DIP2A: variants seen among roughly 807,000 people sequenced by gnomAD.
DIP2A encodes the protein DIP2 acetate--CoA ligase A.
Under a neutral mutation model 177.4 loss-of-function variants are expected in DIP2A, and 85 were observed. The ratio of observed to expected loss-of-function variants is 0.48; its 90% CI spans 0.40 to 0.57. The LOEUF (loss-of-function observed/expected upper bound fraction) is 0.57, where lower values mean the gene tolerates loss of function less well. Among genes scored for constraint, DIP2A ranks in the 20% least tolerant of loss-of-function variants. The probability of loss-of-function intolerance (pLI) is 0.00; values close to 1 mark genes in which losing one functional copy is unlikely to be tolerated. For missense variants in DIP2A, 1,791 were observed against 2,100.2 expected, an observed-to-expected ratio of 0.85 and a Z score of 2.88; for synonymous variants, 886 against 881.8, an observed-to-expected ratio of 1.00 and a Z score of -0.08.
At chr21:46,567,289 G>T in intron 37 of DIP2A, 81 bp from the exon 38 acceptor site, 1 of 1,538,902 alleles carries the variant, frequency 6.5e-7, no homozygotes, top group East Asian at 2.3e-5. Context: ...ACTCTTCTTT[G>T]TGCCACCCTT....
At chr21:46,512,548 A>G (rs1246607349) in intron 8 of DIP2A, among the ~76,000 whole-genome samples, 1 of 152,212 alleles carries the variant, frequency 6.6e-6, no homozygotes, top group Non-Finnish European at 1.5e-5. Flanking sequence ...TGCTTTTCAT[A>G]TGCTTATTGG....
intron 8 of DIP2A, among the ~76,000 whole-genome samples, chr21:46,528,507 A>G (rs550853744): frequency 7.7e-6 from 1 of 129,172 alleles, no homozygotes; most frequent in Non-Finnish European, 1.6e-5. Flanking sequence ...TGTATACCAA[A>G]TACTGACTTT....
At chr21:46,474,875 T>C (rs554908756) in intron 1 of DIP2A, among the ~76,000 whole-genome samples, 16 of 152,266 alleles carry the variant, frequency 1.1e-4, no homozygotes, top group East Asian at 1.9e-4. Context: ...TTAGGGAAGA[T>C]AGGGATGGAG....
chr21:46,566,508 G>C lies in DIP2A; in HGVS notation c.4340-52G>C, dbSNP rs570431657. On this transcript the variant is annotated intron_variant, in intron 36 of 37. Coordinates refer to ENST00000417564, the MANE Select transcript of DIP2A (RefSeq NM_015151.4). The stretch of plus-strand genomic sequence containing the variant: ...TGGGCTCAGAGGATACGAATGTCCA[G>C]ACTCTGCATGCCTTGGCTTTCTGGG... 46 of 1,611,896 alleles carry C rather than the reference G, an allele frequency of 2.9e-5. No individual in the cohort carries two copies. The South Asian group carries it at 4.8e-4, about 17-fold the overall frequency.
At chr21:46,540,879 G>A (rs749233125) in intron 17 of DIP2A, among the ~76,000 whole-genome samples, 2 of 151,984 alleles carry the variant, frequency 1.3e-5, no homozygotes, top group Non-Finnish European at 2.9e-5. Flanking sequence ...GCCAGGCGTG[G>A]TGGCAGGTGC....
At chr21:46,583,775 A>T in the DIP2A span, among the ~76,000 whole-genome samples, 1 of 152,168 alleles carries the variant, frequency 6.6e-6, no homozygotes, top group Non-Finnish European at 1.5e-5. Context: ...CCACCATGGG[A>T]TGATGCAGCA....
rs757859058 is a variant in DIP2A at position 46,511,429 on chromosome 21, A to T, written c.917A>T (p.Asp306Val). ...FEELLEVQQPDPNQPKPEGSE... is the reference protein window; with the variant it reads ...FEELLEVQQPVPNQPKPEGSE... ...ATTTTGCTTGTAGTTCAGCAACCAGATCCAAATCAGCCAAAGCCTGAGGGA... is the reference window on the plus strand; with the variant it reads ...ATTTTGCTTGTAGTTCAGCAACCAGTTCCAAATCAGCCAAAGCCTGAGGGA... The change falls in exon 8 of 38, where the codon GAT becomes GTT. Residue 306 changes from aspartate to valine, a missense_variant. Transcript: ENST00000417564. The T allele has an allele frequency of 2.5e-6, 4 of 1,610,258 alleles. No homozygotes were observed. Among genetic ancestry groups the T allele is most frequent in the Non-Finnish European group, 3.4e-6 (4 of 1,178,370 alleles).
At position 46,509,343 on chromosome 21, in the gene DIP2A, T is replaced by C. The variant is rs750646021; in HGVS notation, c.871T>C (p.Phe291Leu). 2 of 1,612,530 alleles carry C rather than the reference T, an allele frequency of 1.2e-6. No homozygotes were observed. Residue 291 changes from phenylalanine to leucine, a missense_variant, in exon 7 of 38, where the codon TTC (phenylalanine) becomes CTC (leucine). Coordinates refer to ENST00000417564, the MANE Select transcript of DIP2A (RefSeq NM_015151.4). ...GCCAAAGCGCCCTCCACTGAAGGAG[T>C]TCTTTGTGGATGATTTTGAGGAATT... is the stretch of plus-strand genomic sequence containing the variant. ...KRPKRPPLKE[F>L]FVDDFEELLE...
chr21:46,560,834 T>A, intron 33 of DIP2A, 51 bp downstream of exon 33: 1 of 1,569,446 alleles, frequency 6.4e-7, no homozygotes, highest in Non-Finnish European at 8.6e-7. Flanking sequence ...GGCAAAGTGA[T>A]GCAAACCAGG....
At chr21:46,489,812 G>A (rs879742704) in intron 2 of DIP2A, among the ~76,000 whole-genome samples, 148 of 135,404 alleles carry the variant, frequency 1.1e-3, no homozygotes, top group Non-Finnish European at 1.8e-3. Context: ...CAGCAAATTG[G>A]CTTCAAATGA....
chr21:46,523,815 C>T (rs538519580), intron 8 of DIP2A, among the ~76,000 whole-genome samples: 2 of 152,324 alleles, frequency 1.3e-5, no homozygotes, highest in African/African-American at 2.4e-5. Flanking sequence ...AAAGTACCTC[C>T]GCGTGGTTAC....
chr21:46,504,240 C>A, intron 5 of DIP2A, 121 bp from the exon 6 acceptor site: 10 of 1,353,836 alleles, frequency 7.4e-6, no homozygotes, highest in Non-Finnish European at 9.2e-6. Context: ...AATGAAAATA[C>A]CACACTCTCC....
At chr21:46,503,624 CTTTCTTT>C (rs1568987253) in intron 5 of DIP2A, among the ~76,000 whole-genome samples, 1 of 134,780 alleles carries the variant, frequency 7.4e-6, no homozygotes, top group Non-Finnish European at 1.6e-5. Flanking sequence ...TTCTTTCTTT[CTTTCTTT>C]CTTTCCTTTC....
chr21:46,553,636 T>C (rs2060351668), intron 25 of DIP2A: 1 of 153,354 alleles, frequency 6.5e-6, no homozygotes, highest in Non-Finnish European at 1.5e-5. Flanking sequence ...CCTGTGGGCA[T>C]GGAAAGTAGT....
At chr21:46,477,831 G>T (rs1372507446) in intron 1 of DIP2A, among the ~76,000 whole-genome samples, 2 of 151,718 alleles carry the variant, frequency 1.3e-5, no homozygotes, top group Non-Finnish European at 2.9e-5. Flanking sequence ...TGATCCACCT[G>T]CCTTGGCCTC....
chr21:46,545,625 G>C (rs918181202), intron 19 of DIP2A, among the ~76,000 whole-genome samples: 2 of 152,232 alleles, frequency 1.3e-5, no homozygotes, highest in African/African-American at 4.8e-5. Context: ...TGTGATGTGA[G>C]TTGTTCAGGA....
In DIP2A at chr21:46,547,002, G is replaced by A. The variant is rs748395662; in HGVS notation, c.2482G>A (p.Ala828Thr). ...RHNADDVVAT[A>T]LAVEPMKFVY... ...CAATGCAGATGACGTTGTGGCCACC[G>A]CACTGGCCGTGGAGCCCATGAAGTT... The change falls in exon 21 of 38, where the codon GCA (alanine) becomes ACA (threonine). Residue 828 changes from alanine to threonine, a missense_variant. Coordinates refer to ENST00000417564, the MANE Select transcript of DIP2A (RefSeq NM_015151.4). 1.1e-5 allele frequency: 17 copies of A among 1,613,960 alleles called. No individual in the cohort carries two copies. Among genetic ancestry groups the A allele is most frequent in the South Asian group, 3.3e-5 (3 of 91,062 alleles).
At position 46,532,247 on chromosome 21, in the gene DIP2A, C is replaced by A; in HGVS notation, c.1305+10C>A. On this transcript the variant is annotated intron_variant, in intron 10 of 37. Transcript: ENST00000417564. ...GCCATTAACAAGAAAGGTAGCAAAC[C>A]CATGGCTCAGGTCCCGTGTGGTTCG... 6.2e-7 allele frequency: 1 copy of A among 1,611,282 alleles called. No individual in the cohort carries two copies. Among genetic ancestry groups the A allele is most frequent in the Non-Finnish European group, 8.5e-7 (1 of 1,177,668 alleles).
chr21:46,567,425 G>T lies in DIP2A; in HGVS notation c.4519G>T (p.Glu1507Ter). ...LVVVVELDGL[E>*]QDALDLVALV... ...GGTGGTGGTGGAGCTGGATGGGCTA[G>T]AGCAGGATGCCCTGGACCTGGTGGC... is the stretch of plus-strand genomic sequence containing the variant. The change falls in exon 38 of 38, where the codon GAG becomes TAG. Residue 1507 changes from glutamate to a stop codon, truncating the protein, a stop_gained. Transcript: ENST00000417564. LOFTEE classifies it high-confidence loss of function. 1 of 1,614,024 alleles carries T rather than the reference G, an allele frequency of 6.2e-7. No individual in the cohort carries two copies. The highest frequency in any genetic ancestry group is 8.5e-7 in the Non-Finnish European group (1 of 1,179,908).
Sources: gnomAD v4.1 joint callset for allele counts (sites outside exome capture counted in the v4.1 genomes callset) on GRCh38, gnomAD v4.1.1 for gene constraint, MANE v1.5 for transcripts, NCBI Gene and HGNC (gene_info 2026-07-23, HGNC 2026-07-21) for gene names.